GTF2F2: variants seen among roughly 807,000 people sequenced by gnomAD.
GTF2F2 encodes general transcription factor IIF subunit 2.
In GTF2F2, 23 loss-of-function variants were observed where a neutral mutation model predicts 42.2. The ratio of observed to expected loss-of-function variants is 0.55; its 90% confidence interval spans 0.39 to 0.77. The LOEUF (loss-of-function observed/expected upper bound fraction) is 0.77, where lower values mean the gene tolerates loss of function less well. Ranked by LOEUF, GTF2F2 falls within the 30% of genes least tolerant of loss-of-function variation. GTF2F2 has a pLI of 0.00. For missense variants in GTF2F2, 261 were observed against 287.2 expected (o/e 0.91, Z 0.66); for synonymous variants, 105 against 100.8 (o/e 1.04, Z -0.25).
At chr13:45,229,798 A>G (rs1874578633) in intron 5 of GTF2F2, among the ~76,000 whole-genome samples, 1 of 152,182 alleles carries the variant, frequency 6.6e-6, no homozygotes, top group East Asian at 1.9e-4. Context: ...GGTACAGGTC[A>G]CACCCTCCTC....
At chr13:45,161,477 C>G (rs527522840) in intron 4 of GTF2F2, among the ~76,000 whole-genome samples, 20 of 152,282 alleles carry the variant, frequency 1.3e-4, no homozygotes, top group South Asian at 4.1e-4. Context: ...ACTCCTCCCC[C>G]CAGTGCTTCT....
intron 1 of GTF2F2, chr13:45,123,562 G>C (rs1382601432): frequency 1.3e-5 from 2 of 151,760 alleles, no homozygotes; most frequent in East Asian, 3.9e-4. Context: ...CTAGGAGGTT[G>C]AGGCTGCAGT....
chr13:45,180,536 C>G (rs190659458), intron 4 of GTF2F2, among the ~76,000 whole-genome samples: 1 of 152,144 alleles, frequency 6.6e-6, no homozygotes, highest in Admixed American at 6.5e-5. Context: ...ATTATAAACT[C>G]TGATCTAATT....
intron 2 of GTF2F2, among the ~76,000 whole-genome samples, chr13:45,138,350 T>C (rs1188637980): frequency 1.3e-5 from 2 of 152,162 alleles, no homozygotes; most frequent in African/African-American, 4.8e-5. Flanking sequence ...GGAAGGTCCT[T>C]ATTTTCTTTG....
chr13:45,212,358 A>T (rs901040700), intron 5 of GTF2F2, among the ~76,000 whole-genome samples: 12 of 152,142 alleles, frequency 7.9e-5, no homozygotes, highest in African/African-American at 2.9e-4. Flanking sequence ...CTTATCCCAC[A>T]TATGCTTGGC....
At chr13:45,253,595 G>A (rs6561213) in intron 6 of GTF2F2, among the ~76,000 whole-genome samples, 52,498 of 152,020 alleles carry the variant, frequency 0.35, 12,051 homozygotes, top group African/African-American at 0.65. Flanking sequence ...AATTCCAGAT[G>A]TAAACAATTC....
intron 6 of GTF2F2, among the ~76,000 whole-genome samples, chr13:45,254,069 CAAA>C (rs770265378): frequency 8.6e-5 from 5 of 58,170 alleles, no homozygotes; most frequent in Non-Finnish European, 7.5e-5. Context: ...GACTCCGTCT[CAAA>C]AAAAAAAAAA....
intron 7 of GTF2F2, among the ~76,000 whole-genome samples, chr13:45,281,496 A>C (rs752484930): frequency 3.3e-5 from 5 of 152,274 alleles, no homozygotes; most frequent in African/African-American, 9.6e-5. Context: ...CTAAGGACTC[A>C]AAGATCCTAG....
chr13:45,206,081 C>T (rs1032533104), intron 4 of GTF2F2, among the ~76,000 whole-genome samples: 1 of 151,978 alleles, frequency 6.6e-6, no homozygotes, highest in East Asian at 1.9e-4. Flanking sequence ...AAAATAATAA[C>T]GGCTTTTAAA....
chr13:45,132,842 G>A (rs1046034412), intron 1 of GTF2F2, among the ~76,000 whole-genome samples: 9 of 152,002 alleles, frequency 5.9e-5, no homozygotes, highest in African/African-American at 2.2e-4. Flanking sequence ...GGTGTTCTAG[G>A]TTCGAGAAGT....
At chr13:45,213,283 G>A (rs12866469) in intron 5 of GTF2F2, among the ~76,000 whole-genome samples, 1,674 of 152,118 alleles carry the variant, frequency 0.011, 19 homozygotes, top group Non-Finnish European at 0.018. Flanking sequence ...GTTTCACTGT[G>A]TTAGCCAGGA....
chr13:45,154,716 A>T (rs886995846), intron 4 of GTF2F2, among the ~76,000 whole-genome samples: 2 of 152,200 alleles, frequency 1.3e-5, no homozygotes, highest in Non-Finnish European at 1.5e-5. Context: ...AAACACTTAG[A>T]ACAATGCTCA....
Position 45,224,890 on chromosome 13 carries a change from C to T in GTF2F2, c.386+17385C>T, listed in dbSNP as rs116796740. 6.1e-3 allele frequency among the ~76,000 whole-genome samples: 926 copies of T among 152,264 alleles called. 9 individuals are homozygous for T. The highest frequency in any genetic ancestry group is 0.021 in the African/African-American group (860 of 41,558). On this transcript the variant is annotated intron_variant, in intron 5 of 7. Coordinates refer to ENST00000340473, the MANE Select transcript of GTF2F2 (RefSeq NM_004128.3). ...TCTCAATGTATGTTCATGAAGCCTC[C>T]AACATATTTTGTGGGATACCATCTT...
At chr13:45,210,693 C>T (rs1873596399) in intron 5 of GTF2F2, among the ~76,000 whole-genome samples, 2 of 152,092 alleles carry the variant, frequency 1.3e-5, no homozygotes, top group Non-Finnish European at 2.9e-5. Flanking sequence ...AGTAGCTAGT[C>T]AGTAAATATT....
intron 4 of GTF2F2, among the ~76,000 whole-genome samples, chr13:45,167,590 G>A (rs1871355060): frequency 6.6e-6 from 1 of 151,942 alleles, no homozygotes; most frequent in Non-Finnish European, 1.5e-5. Context: ...AGTAGAGATG[G>A]GGTTCTACCA....
chr13:45,131,662 T>C (rs1250637369), intron 1 of GTF2F2, among the ~76,000 whole-genome samples: 1 of 152,042 alleles, frequency 6.6e-6, no homozygotes, highest in Non-Finnish European at 1.5e-5. Flanking sequence ...TCCCAGCACC[T>C]TGGGAGTCTG....
chr13:45,221,206 C>G (rs1203352133), intron 5 of GTF2F2, among the ~76,000 whole-genome samples: 2 of 152,086 alleles, frequency 1.3e-5, no homozygotes, highest in Non-Finnish European at 2.9e-5. Flanking sequence ...CGCAGTTTCT[C>G]AGGTAAAAAA....
intron 7 of GTF2F2, among the ~76,000 whole-genome samples, chr13:45,269,555 G>C (rs1876704809): frequency 6.6e-6 from 1 of 152,150 alleles, no homozygotes; most frequent in Non-Finnish European, 1.5e-5. Flanking sequence ...AAGTGAATCT[G>C]TACTAATGGT....
intron 6 of GTF2F2, among the ~76,000 whole-genome samples, chr13:45,265,295 T>C (rs116428268): frequency 0.011 from 1,630 of 152,092 alleles, 36 homozygotes; most frequent in African/African-American, 0.038. Context: ...TGGATTTCAG[T>C]CTTCCCTAAC....
Sources: allele counts gnomAD v4.1 joint callset (sites outside exome capture counted in the v4.1 genomes callset), GRCh38; gene constraint gnomAD v4.1.1; transcripts MANE v1.5; gene names NCBI Gene and HGNC (gene_info 2026-07-23, HGNC 2026-07-21).